Variants in CAMSAP2 observed in about 807,000 individuals in gnomAD.
CAMSAP2 encodes the protein calmodulin regulated spectrin associated protein family member 2.
CAMSAP2 carries 26 observed loss-of-function variants against 146.1 expected under a neutral mutation model. That is an observed-to-expected ratio of 0.18 (90% CI 0.13 to 0.25). The LOEUF (loss-of-function observed/expected upper bound fraction) is 0.25, where lower values mean the gene tolerates loss of function less well. Ranked by LOEUF, CAMSAP2 falls within the 10% of genes least tolerant of loss-of-function variation. The probability of loss-of-function intolerance (pLI) is 1.00; values close to 1 mark genes in which losing one functional copy is unlikely to be tolerated. For missense variants in CAMSAP2, 1,381 were observed against 1,759.3 expected, an observed-to-expected ratio of 0.78 and a Z score of 3.85; for synonymous variants, 499 against 596.6, an observed-to-expected ratio of 0.84 and a Z score of 2.38.
Position 200,848,790 on chromosome 1 carries a change from C to T in CAMSAP2, c.2021C>T (p.Pro674Leu), listed in dbSNP as rs1340122087. ...CPSTVSTKSQPGSSASSSSGV... is the reference protein window; with the variant it reads ...CPSTVSTKSQLGSSASSSSGV... ...AGTACTGTAAGTACCAAGTCTCAGC[C>T]AGGCAGCAGTGCTTCTTCTAGTTCT... The change falls in exon 11 of 17, where the codon CCA becomes CTA. Residue 674 changes from proline to leucine, a missense_variant. By Grantham distance (98) the Pro-to-Leu change is moderately conservative (BLOSUM62 -3). Transcript: ENST00000358823. 1.9e-6 allele frequency: 3 copies of T among 1,614,158 alleles called. No homozygotes were observed. Among genetic ancestry groups the T allele is most frequent in the Non-Finnish European group, 2.5e-6 (3 of 1,180,016 alleles).
At chr1:200,842,439 C>A (rs369103087) in intron 7 of CAMSAP2, among the ~76,000 whole-genome samples, 1 of 152,002 alleles carries the variant, frequency 6.6e-6, no homozygotes, top group Non-Finnish European at 1.5e-5. Context: ...GGCCTTAACC[C>A]GCAACTCGAA....
intron 2 of CAMSAP2, 103 bp from the exon 3 acceptor site, chr1:200,807,273 T>A: frequency 1.2e-6 from 1 of 869,502 alleles, no homozygotes. Flanking sequence ...CTTCTGTAGT[T>A]ATTCTGCTGC....
At position 200,739,163 on chromosome 1, in the gene CAMSAP2, G is replaced by A. The variant is rs1476034925; in HGVS notation, c.-665G>A. Among the ~76,000 whole-genome samples the A allele has an allele frequency of 2.6e-5, 4 of 151,976 alleles. No homozygotes were observed. The highest frequency in any genetic ancestry group is 2.9e-5 in the Non-Finnish European group (2 of 67,962). On this transcript the variant is annotated 5_prime_UTR_variant, in exon 1 of 17. Transcript: ENST00000358823. This position sits in a 1 kb window ranked among gnomAD's most constrained non-coding sequence, Gnocchi z 4.8. ...AGACGGCGACGGGAGGGAGCACAGA[G>A]GAGGGGACGGGCCGGCGGCGGCCTG... is the stretch of plus-strand genomic sequence containing the variant.
chr1:200,772,668 AT>A (rs1453327034), intron 2 of CAMSAP2, among the ~76,000 whole-genome samples: 1 of 152,200 alleles, frequency 6.6e-6, no homozygotes, highest in South Asian at 2.1e-4. Flanking sequence ...AAATTGCTTT[AT>A]CTTATAGAGA....
At chr1:200,834,095 G>A (rs2102220821) in intron 6 of CAMSAP2, among the ~76,000 whole-genome samples, 1 of 152,270 alleles carries the variant, frequency 6.6e-6, no homozygotes, top group Non-Finnish European at 1.5e-5. Context: ...TGAGCATGGT[G>A]GCTCACACCT....
At chr1:200,836,314 G>A (rs1667183026) in intron 6 of CAMSAP2, among the ~76,000 whole-genome samples, 1 of 152,102 alleles carries the variant, frequency 6.6e-6, no homozygotes, top group East Asian at 1.9e-4. Context: ...CTGTCCCTGT[G>A]TTTTCGTCAC....
Position 200,849,643 on chromosome 1 carries a change from A to G in CAMSAP2, c.2874A>G (p.Pro958=). 1 of 1,614,150 alleles carries G rather than the reference A, an allele frequency of 6.2e-7. No homozygotes were observed. The highest frequency in any genetic ancestry group is 8.5e-7 in the Non-Finnish European group (1 of 1,180,012). The change falls in exon 11 of 17, where the codon CCA becomes CCG. Residue 958 remains proline (P), a synonymous_variant. Transcript: ENST00000358823. The surrounding 1 kb of genome is among the most constrained non-coding windows in gnomAD (Gnocchi z 6.3). ...FSSDSPRPTH[P]SPQSSNRKSA... The stretch of plus-strand genomic sequence containing the variant: ...CAGACTCCCCTCGTCCTACTCACCC[A>G]TCTCCACAGTCTTCTAACAGGAAAA...
At chr1:200,822,138 CTACA>C (rs1558194604) in intron 4 of CAMSAP2, among the ~76,000 whole-genome samples, 1 of 117,362 alleles carries the variant, frequency 8.5e-6, no homozygotes, top group African/African-American at 3.5e-5. Context: ...CTCTCTCGCT[CTACA>C]CACACACACA....
intron 3 of CAMSAP2, among the ~76,000 whole-genome samples, chr1:200,808,452 C>G (rs771589613): frequency 5.9e-5 from 9 of 152,180 alleles, no homozygotes; most frequent in Non-Finnish European, 8.8e-5. Flanking sequence ...TCCAGGTATC[C>G]TTTCTTGAAA....
chr1:200,825,852 C>T (rs780397304), intron 4 of CAMSAP2, among the ~76,000 whole-genome samples: 2 of 152,118 alleles, frequency 1.3e-5, no homozygotes, highest in Non-Finnish European at 2.9e-5. Context: ...TGAATATGTG[C>T]CATAGTTTCT....
chr1:200,776,764 A>G (rs925392274), intron 2 of CAMSAP2, among the ~76,000 whole-genome samples: 4 of 152,188 alleles, frequency 2.6e-5, no homozygotes, highest in African/African-American at 9.6e-5. Context: ...AAACCCAGAC[A>G]TTCATGAAAA....
chr1:200,844,849 T>C lies in CAMSAP2; in HGVS notation c.1089T>C (p.Ser363=), dbSNP rs753059875. The change falls in exon 8 of 17, where the codon AGT becomes AGC. Residue 363 remains serine (S), a synonymous_variant. Transcript: ENST00000358823. ...CTGCCAAAAGAAATGTCTTAGATAGTAGTTCTGACTTCCCTTCAAGGTAAA... is the reference window on the plus strand; with the variant it reads ...CTGCCAAAAGAAATGTCTTAGATAGCAGTTCTGACTTCCCTTCAAGGTAAA... ...LNAAKRNVLD[S]SSDFPSSGEG... The C allele has an allele frequency of 1.3e-6, 2 of 1,584,968 alleles. No homozygotes were observed. Among genetic ancestry groups the C allele is most frequent in the South Asian group, 1.2e-5 (1 of 85,452 alleles).
chr1:200,751,849 G>A (rs1366488068), intron 1 of CAMSAP2, among the ~76,000 whole-genome samples: 1 of 152,160 alleles, frequency 6.6e-6, no homozygotes, highest in African/African-American at 2.4e-5. Context: ...ATAGAGCTTG[G>A]TTATAAATTA....
intron 4 of CAMSAP2, among the ~76,000 whole-genome samples, chr1:200,830,400 A>G (rs1376479966): frequency 6.6e-6 from 1 of 152,272 alleles, no homozygotes; most frequent in African/African-American, 2.4e-5. Flanking sequence ...AACAAATCAC[A>G]TAATTCAATT....
Position 200,842,074 on chromosome 1 carries a change from T to G in CAMSAP2, c.1008T>G (p.Val336=), listed in dbSNP as rs1466897455. 4 of 1,613,074 alleles carry G rather than the reference T, an allele frequency of 2.5e-6. No individual in the cohort carries two copies. Among genetic ancestry groups the G allele is most frequent in the Non-Finnish European group, 2.5e-6 (3 of 1,179,048 alleles). The change falls in exon 7 of 17, where the codon GTT becomes GTG. Residue 336 remains valine (V), a synonymous_variant. Transcript: ENST00000358823. The stretch of plus-strand genomic sequence containing the variant: ...CGTCTTTTGTACAGCCTCGTGTTGT[T>G]CGTCCACAAGGAGGTAATCAATCTT... ...VKPSFVQPRV[V]RPQGAEPVKD...
chr1:200,772,132 A>G (rs946901322), intron 2 of CAMSAP2, among the ~76,000 whole-genome samples: 6 of 152,138 alleles, frequency 3.9e-5, no homozygotes, highest in Admixed American at 1.3e-4. Context: ...CACAGTTAGG[A>G]ATGCATTTTA....
chr1:200,778,142 A>T (rs920530422), intron 2 of CAMSAP2, among the ~76,000 whole-genome samples: 1 of 152,220 alleles, frequency 6.6e-6, no homozygotes, highest in African/African-American at 2.4e-5. Context: ...CTCCACAAAG[A>T]GGGGGCCATA....
rs567091527 is a variant in CAMSAP2 at position 200,754,874 on chromosome 1, G to A, written c.140-5965G>A. Among the ~76,000 whole-genome samples, 313 of 152,150 alleles carry A rather than the reference G, an allele frequency of 2.1e-3. 1 individual carries two copies. The highest frequency in any genetic ancestry group is 7.1e-3 in the African/African-American group (296 of 41,514). Reference sequence around the variant, plus strand: ...TGGGATTACAGGCGTGAGCCACCGCGCCTGGCCGAAAGAGCTTTTTTAATG... The same window carrying A: ...TGGGATTACAGGCGTGAGCCACCGCACCTGGCCGAAAGAGCTTTTTTAATG... On this transcript the variant is annotated intron_variant, in intron 1 of 16. Transcript: ENST00000358823.
At chr1:200,789,144 A>G (rs1665678285) in intron 2 of CAMSAP2, among the ~76,000 whole-genome samples, 1 of 152,026 alleles carries the variant, frequency 6.6e-6, no homozygotes, top group African/African-American at 2.4e-5. Flanking sequence ...TATGTTTTTC[A>G]TTCTCTTGAC....
Sources: allele counts gnomAD v4.1 joint callset (sites outside exome capture counted in the v4.1 genomes callset), GRCh38; gene constraint gnomAD v4.1.1; non-coding constraint Gnocchi (gnomAD v3.1); transcripts MANE v1.5; gene names NCBI Gene and HGNC (gene_info 2026-07-23, HGNC 2026-07-21).